CALR3: variants seen among roughly 807,000 people sequenced by gnomAD.
CALR3 encodes calreticulin 3, also known as calreticulin-3.
CALR3 carries 39 observed loss-of-function variants against 48.7 expected under a neutral mutation model. The ratio of observed to expected loss-of-function variants is 0.80; its 90% confidence interval spans 0.62 to 1.05. The LOEUF (loss-of-function observed/expected upper bound fraction) is 1.05. Ranked by LOEUF, CALR3 falls within the 50% of genes least tolerant of loss-of-function variation. The pLI, the probability that CALR3 is intolerant of heterozygous loss-of-function variation, is 0.00. For synonymous variants in CALR3, 185 were observed against 172.7 expected (o/e 1.07, Z -0.56); for missense variants, 449 against 474.7 (o/e 0.95, Z 0.50).
Position 16,483,945 on chromosome 19 carries a change from T to G in CALR3, c.663A>C (p.Lys221Asn). 1 of 1,614,066 alleles carries G rather than the reference T, an allele frequency of 6.2e-7. No individual in the cohort carries two copies. The highest frequency in any genetic ancestry group is 8.5e-7 in the Non-Finnish European group (1 of 1,180,004). Residue 221 changes from lysine (K) to asparagine (N), a missense_variant, in exon 5 of 9, where the codon AAA becomes AAC. Coordinates refer to ENST00000269881, the MANE Select transcript of CALR3 (RefSeq NM_145046.5). The stretch of plus-strand genomic sequence containing the variant: ...AAATTCACACCTGGGCTTTGTTGTC[T>G]TTAGTCTGTTCCCAATCCTTCGATT... The part of the protein sequence containing the change: ...PAESKDWEQT[K>N]DNKAQDWEKH...
intron 2 of CALR3, 45 bp from the exon 3 acceptor site, chr19:16,490,615 C>T: frequency 2.0e-6 from 3 of 1,517,784 alleles, no homozygotes; most frequent in Non-Finnish European, 2.7e-6. Context: ...TGACGCTGCG[C>T]TAAGTAACGC....
chr19:16,479,352 G>C (rs1298408499), intron 8 of CALR3, 78 bp from the exon 9 acceptor site: 3 of 1,525,194 alleles, frequency 2.0e-6, no homozygotes, highest in Non-Finnish European at 2.7e-6. Context: ...TTGGGAGGCC[G>C]AGGCAGATGG....
chr19:16,482,632 G>A, intron 6 of CALR3, 46 bp downstream of exon 6: 1 of 1,613,672 alleles, frequency 6.2e-7, no homozygotes, highest in Non-Finnish European at 8.5e-7. Flanking sequence ...GGCAGCGGAG[G>A]GGCAGCCCTG....
chr19:16,480,544 T>C, intron 8 of CALR3, 70 bp downstream of exon 8: 1 of 1,020,118 alleles, frequency 9.8e-7, no homozygotes, highest in East Asian at 2.4e-5. Flanking sequence ...AGAGCTAGAC[T>C]CCATCTAAAA....
intron 3 of CALR3, among the ~76,000 whole-genome samples, chr19:16,488,667 C>CA (rs1280952138): frequency 6.6e-6 from 1 of 152,152 alleles, no homozygotes; most frequent in African/African-American, 2.4e-5. Flanking sequence ...CTTGGCCTCC[C>CA]AAAATGCTGA....
At chr19:16,482,863 T>C in intron 5 of CALR3, 78 bp from the exon 6 acceptor site, 1 of 1,385,132 alleles carries the variant, frequency 7.2e-7, no homozygotes, top group Non-Finnish European at 1.0e-6. Context: ...TTTTTGTTTC[T>C]TGAGACTAGG....
intron 2 of CALR3, among the ~76,000 whole-genome samples, chr19:16,494,602 C>T (rs571427893): frequency 2.0e-5 from 3 of 152,016 alleles, no homozygotes; most frequent in Non-Finnish European, 2.9e-5. Context: ...CCTCATGATC[C>T]GCTCGCCTAA....
Position 16,480,693 on chromosome 19 carries a change from G to T in CALR3, c.932C>A (p.Thr311Asn). ...GLELWQVRSG[T>N]IFDNFLITDD... The stretch of plus-strand genomic sequence containing the variant: ...TGTGATCAGAAAGTTATCAAAAATG[G>T]TTCCAGATCTCACCTGCAGATGAAA... The change falls in exon 8 of 9, where the codon ACC becomes AAC. Residue 311 changes from threonine (T) to asparagine (N), a missense_variant. Coordinates refer to ENST00000269881, the MANE Select transcript of CALR3 (RefSeq NM_145046.5). 2 of 1,612,738 alleles carry T rather than the reference G, an allele frequency of 1.2e-6. No individual in the cohort carries two copies. The highest frequency in any genetic ancestry group is 1.7e-6 in the Non-Finnish European group (2 of 1,178,840).
At chr19:16,485,884 C>T (rs921079554) in intron 3 of CALR3, among the ~76,000 whole-genome samples, 2 of 152,042 alleles carry the variant, frequency 1.3e-5, no homozygotes, top group Non-Finnish European at 2.9e-5. Flanking sequence ...TCTCAAACTC[C>T]TGACCTCAAG....
In CALR3 at chr19:16,486,608, AG is replaced by A. The variant is rs761981752; in HGVS notation, c.398-1352del. On this transcript the variant is annotated intron_variant, in intron 3 of 8. Transcript: ENST00000269881. Reference sequence around the variant, plus strand: ...GCACTCCAGCCTGGGTGACAGAGCAAGATTCTATCTCAAAAAAAAAAAAAAA... The same window carrying A: ...GCACTCCAGCCTGGGTGACAGAGCAAATTCTATCTCAAAAAAAAAAAAAAA... Among the ~76,000 whole-genome samples the A allele has an allele frequency of 3.1e-5, 4 of 128,284 alleles. No individual in the cohort carries two copies. The East Asian group carries it at 8.8e-4, about 28-fold the overall frequency. The allele number at this position is 128,284 out of a possible 152,430, so 84.2% of individuals were successfully genotyped here. A position where few individuals can be genotyped will look rare whatever the true frequency, so the allele number is the denominator to read the frequency against.
chr19:16,484,182 T>C, intron 4 of CALR3, 67 bp from the exon 5 acceptor site: 2 of 1,353,474 alleles, frequency 1.5e-6, no homozygotes, highest in Admixed American at 2.3e-5. Flanking sequence ...TCTTTTCTTT[T>C]TTTTTTTTTT....
Position 16,482,797 on chromosome 19 carries a change from T to G in CALR3, c.679-12A>C. 1 of 1,608,814 alleles carries G rather than the reference T, an allele frequency of 6.2e-7. No homozygotes were observed. Among genetic ancestry groups the G allele is most frequent in the Non-Finnish European group, 8.5e-7 (1 of 1,177,576 alleles). On this transcript the variant is annotated splice_polypyrimidine_tract_variant and intron_variant, in intron 5 of 8. Coordinates refer to ENST00000269881, the MANE Select transcript of CALR3 (RefSeq NM_145046.5). ...TGCTTCTCCCAGTCCTTCAAAGACA[T>G]GTAAGGAAAAAGTAAAATCAGTCAG...
intron 8 of CALR3, 43 bp downstream of exon 8, chr19:16,480,571 A>AAT (rs1247277647): frequency 1.4e-6 from 2 of 1,424,144 alleles, no homozygotes; most frequent in African/African-American, 2.8e-5. Flanking sequence ...AATTTACACA[A>AAT]ATGAAATAGT....
At chr19:16,487,123 A>G (rs2093390275) in intron 3 of CALR3, among the ~76,000 whole-genome samples, 2 of 152,064 alleles carry the variant, frequency 1.3e-5, no homozygotes, top group Non-Finnish European at 1.5e-5. Context: ...CCCCTGCTTC[A>G]GCCTCCTGAG....
intron 2 of CALR3, among the ~76,000 whole-genome samples, chr19:16,493,937 G>C (rs866482278): frequency 6.6e-6 from 1 of 152,000 alleles, no homozygotes; most frequent in Admixed American, 6.6e-5. Flanking sequence ...CATGTTGGCC[G>C]GGCTGGTCTC....
At chr19:16,484,762 C>T (rs914668468) in intron 4 of CALR3, among the ~76,000 whole-genome samples, 8 of 152,154 alleles carry the variant, frequency 5.3e-5, no homozygotes, top group African/African-American at 1.9e-4. Context: ...AAGCAGTCCT[C>T]CTGCCTCAGC....
chr19:16,496,087 G>C lies in CALR3; in HGVS notation c.43C>G (p.Arg15Gly). 6.2e-7 allele frequency: 1 copy of C among 1,607,500 alleles called. No individual in the cohort carries two copies. Among genetic ancestry groups the C allele is most frequent in the Non-Finnish European group, 8.5e-7 (1 of 1,177,072 alleles). ...AAATAGACGGTAGCCAGCGCCACTC[G>C]CAGCATGCATATGGCCCAGAGCTGG... ...LVQLWAICML[R>G]VALATVYFQE... The change falls in exon 1 of 9, where the codon CGA (arginine) becomes GGA (glycine). Residue 15 changes from arginine to glycine, a missense_variant. Arg to Gly is a moderately radical substitution (Grantham distance 125). Coordinates refer to ENST00000269881, the MANE Select transcript of CALR3 (RefSeq NM_145046.5).
intron 7 of CALR3, among the ~76,000 whole-genome samples, chr19:16,480,973 C>A (rs977426584): frequency 4.4e-4 from 67 of 152,012 alleles, no homozygotes; most frequent in African/African-American, 1.6e-3. Flanking sequence ...CTGGCCAACA[C>A]GGTGAACCCC....
intron 7 of CALR3, 47 bp downstream of exon 7, chr19:16,482,403 A>G (rs1364160459): frequency 1.8e-5 from 24 of 1,360,210 alleles, no homozygotes; most frequent in Middle Eastern, 4.0e-4. Context: ...AAACAAAACA[A>G]AACACACACA....
Sources: gnomAD v4.1 joint callset for allele counts (sites outside exome capture counted in the v4.1 genomes callset) on GRCh38, gnomAD v4.1.1 for gene constraint, MANE v1.5 for transcripts, NCBI Gene and HGNC (gene_info 2026-07-23, HGNC 2026-07-21) for gene names.